Variants in KIF26B observed in about 807,000 individuals in gnomAD.
The protein encoded by KIF26B is kinesin-like protein KIF26B.
In KIF26B, 63 loss-of-function variants were observed where a neutral mutation model predicts 151.2. The ratio of observed to expected loss-of-function variants is 0.42; its 90% CI spans 0.34 to 0.51. KIF26B has a LOEUF of 0.51. Ranked by LOEUF, KIF26B falls within the 20% of genes least tolerant of loss-of-function variation. The pLI is 0.07. For synonymous variants in KIF26B, 1,357 were observed against 1,262.1 expected, an observed-to-expected ratio of 1.08 and a Z score of -1.59; for missense variants, 2,813 against 2,913.6, an observed-to-expected ratio of 0.97 and a Z score of 0.79.
At chr1:245,338,256 C>G (rs1037417219) in intron 2 of KIF26B, among the ~76,000 whole-genome samples, 2 of 152,114 alleles carry the variant, frequency 1.3e-5, no homozygotes, top group Non-Finnish European at 2.9e-5. Context: ...TTATGTACAC[C>G]AGGAGGCAGA....
intron 4 of KIF26B, among the ~76,000 whole-genome samples, chr1:245,439,449 G>A (rs1659014768): frequency 6.6e-6 from 1 of 152,004 alleles, no homozygotes. Context: ...AAAGTAAATA[G>A]AGTTGCAATA....
intron 5 of KIF26B, among the ~76,000 whole-genome samples, chr1:245,550,425 G>A (rs12033501): frequency 0.31 from 47,138 of 152,158 alleles, 8,029 homozygotes; most frequent in Middle Eastern, 0.38. Context: ...TGCCTGCTCC[G>A]TCCTGGCTGC....
In KIF26B at chr1:245,609,429, G is replaced by A; in HGVS notation, c.1815G>A (p.Glu605=). 1 of 1,608,006 alleles carries A rather than the reference G, an allele frequency of 6.2e-7. No individual in the cohort carries two copies. The highest frequency in any genetic ancestry group is 8.5e-7 in the Non-Finnish European group (1 of 1,177,358). ...CCGTGGAAGTGTGGGGGAAGGAGGA[G>A]AACCTGCGGGACCTGCTGTCGGAGG... ...VSAVEVWGKE[E]NLRDLLSEVA... Residue 605 remains glutamate (E), a synonymous_variant, in exon 8 of 15, where the codon GAG becomes GAA. Transcript: ENST00000407071.
At position 245,170,122 on chromosome 1, in the gene KIF26B, G is replaced by A. The variant is rs186293412; in HGVS notation, c.465+13439G>A. Among the ~76,000 whole-genome samples, 54 of 152,256 alleles carry A rather than the reference G, an allele frequency of 3.5e-4. No homozygotes were observed. The highest frequency in any genetic ancestry group is 1.5e-4 in the Non-Finnish European group (10 of 68,016). ...GGAAGAGGATGATAGAGGATGGGAC[G>A]GTGGTGACAAATGGCGGGATGGGAG... On this transcript the variant is annotated intron_variant, in intron 2 of 14. Transcript: ENST00000407071. The surrounding 1 kb of genome is among the most constrained non-coding windows in gnomAD (Gnocchi z 4.4).
chr1:245,527,014 G>A (rs1023672246), intron 4 of KIF26B, among the ~76,000 whole-genome samples: 3 of 152,210 alleles, frequency 2.0e-5, no homozygotes, highest in African/African-American at 7.2e-5. Flanking sequence ...AAACTCTAAA[G>A]GAATGAGTGG....
intron 2 of KIF26B, among the ~76,000 whole-genome samples, chr1:245,208,609 G>A (rs1669453239): frequency 6.6e-6 from 1 of 152,190 alleles, no homozygotes. Flanking sequence ...GCAAGCGGAT[G>A]TCGATAGTGA....
chr1:245,312,875 A>C (rs1671689436), intron 2 of KIF26B, among the ~76,000 whole-genome samples: 1 of 152,170 alleles, frequency 6.6e-6, no homozygotes, highest in Admixed American at 6.6e-5. Context: ...AGATGGATGG[A>C]TACTGGCCGG....
chr1:245,182,612 A>G (rs1051434654), intron 2 of KIF26B, among the ~76,000 whole-genome samples: 1 of 152,126 alleles, frequency 6.6e-6, no homozygotes, highest in Non-Finnish European at 1.5e-5. Flanking sequence ...GGTAGTTGAT[A>G]TGGCAATTCT....
At chr1:245,361,698 G>A (rs1222816656) in intron 2 of KIF26B, among the ~76,000 whole-genome samples, 1 of 152,198 alleles carries the variant, frequency 6.6e-6, no homozygotes, top group Non-Finnish European at 1.5e-5. Flanking sequence ...CCTCGTTGCT[G>A]TCACTACTGC....
At chr1:245,613,105 C>T (rs770102981) in intron 9 of KIF26B, among the ~76,000 whole-genome samples, 9 of 152,176 alleles carry the variant, frequency 5.9e-5, no homozygotes, top group Non-Finnish European at 1.3e-4. Flanking sequence ...TCCGTGGTTC[C>T]TCCATGTCCC....
At chr1:245,305,472 C>T (rs1025897740) in intron 2 of KIF26B, among the ~76,000 whole-genome samples, 4 of 151,960 alleles carry the variant, frequency 2.6e-5, no homozygotes, top group Non-Finnish European at 5.9e-5. Flanking sequence ...ATACAGATGG[C>T]CAATAAACAC....
At position 245,602,183 on chromosome 1, in the gene KIF26B, T is replaced by C. The variant is rs1181069216; in HGVS notation, c.1351-394T>C. Among the ~76,000 whole-genome samples, 3 of 152,208 alleles carry C rather than the reference T, an allele frequency of 2.0e-5. No individual in the cohort carries two copies. Among genetic ancestry groups the C allele is most frequent in the African/African-American group, 7.2e-5 (3 of 41,462 alleles). On this transcript the variant is annotated intron_variant, in intron 5 of 14. Transcript: ENST00000407071. This position sits in a 1 kb window ranked among gnomAD's most constrained non-coding sequence, Gnocchi z 4.5. Reference sequence around the variant, plus strand: ...AAGGAGTAAATTACGGAGCTAACTTTTATGTGCATGGTTTATTGATCTGTG... The same window carrying C: ...AAGGAGTAAATTACGGAGCTAACTTCTATGTGCATGGTTTATTGATCTGTG...
chr1:245,602,678 C>T lies in KIF26B; in HGVS notation c.1452C>T (p.Tyr484=), dbSNP rs756994590. 9.9e-6 allele frequency: 16 copies of T among 1,613,870 alleles called. No individual in the cohort carries two copies. The highest frequency in any genetic ancestry group is 5.5e-5 in the South Asian group (5 of 91,090). The change falls in exon 6 of 15, where the codon TAC becomes TAT. Residue 484 remains tyrosine (Y), a synonymous_variant. Transcript: ENST00000407071. The surrounding 1 kb of genome is among the most constrained non-coding windows in gnomAD (Gnocchi z 4.5). The part of the protein sequence containing the change: ...VDPRKKQITL[Y]DPLTCGGQNA... ...CACGGAAGAAGCAGATCACCTTGTA[C>T]GATCCCCTGACTTGTGGAGGTCAAA... is the stretch of plus-strand genomic sequence containing the variant.
intron 9 of KIF26B, among the ~76,000 whole-genome samples, chr1:245,643,559 C>T (rs2043915071): frequency 1.3e-5 from 2 of 152,150 alleles, no homozygotes; most frequent in East Asian, 3.8e-4. Flanking sequence ...TCATCATTCA[C>T]ACGTTACATT....
At chr1:245,365,805 C>T (rs1484116412) in intron 2 of KIF26B, among the ~76,000 whole-genome samples, 1 of 152,120 alleles carries the variant, frequency 6.6e-6, no homozygotes, top group Non-Finnish European at 1.5e-5. Context: ...GCGCTGTGGA[C>T]AGACGAGAGG....
chr1:245,435,130 C>CCCATCCATCCAT (rs34535359), intron 4 of KIF26B, among the ~76,000 whole-genome samples: 24 of 145,226 alleles, frequency 1.7e-4, no homozygotes, highest in Admixed American at 9.6e-4. Flanking sequence ...TCTCCATCTA[C>CCCATCCATCCAT]CCATCCATCC....
rs71715356 is a variant in KIF26B at position 245,205,848 on chromosome 1, ACACCCC to A, written c.465+49176_465+49181del. 0.015 allele frequency among the ~76,000 whole-genome samples: 965 copies of A among 66,112 alleles called. 30 individuals carry two copies. The East Asian group carries it at 0.22, about 15-fold the overall frequency. 43.4% of individuals were successfully genotyped at this position (66,112 alleles called of 152,430 possible). A position where few individuals can be genotyped will look rare whatever the true frequency, so the allele number is the denominator to read the frequency against. Reference sequence around the variant, plus strand: ...TCAGCACTCTCCCCCACCCCCACCCACACCCCCACCCCCACCAAGTAGCTGGGACTA... The same window carrying A: ...TCAGCACTCTCCCCCACCCCCACCCACACCCCCACCAAGTAGCTGGGACTA... On this transcript the variant is annotated intron_variant, in intron 2 of 14. Transcript: ENST00000407071.
chr1:245,704,389 T>C lies in KIF26B; in HGVS notation c.*1783T>C, dbSNP rs2044814170. The C allele has an allele frequency of 6.6e-6, 1 of 152,246 alleles. No homozygotes were observed. Among genetic ancestry groups the C allele is most frequent in the Admixed American group, 6.5e-5 (1 of 15,284 alleles). 9.4% of individuals were successfully genotyped at this position (152,246 alleles called of 1,614,324 possible). Reference sequence around the variant, plus strand: ...TGAACTCGGTAAATGGGAACCGAAGTCTTGTGAGCTTCACATGACCTGATC... The same window carrying C: ...TGAACTCGGTAAATGGGAACCGAAGCCTTGTGAGCTTCACATGACCTGATC... On this transcript the variant is annotated 3_prime_UTR_variant, in exon 15 of 15. Transcript: ENST00000407071.
chr1:245,159,176 G>T (rs1668495076), intron 2 of KIF26B, among the ~76,000 whole-genome samples: 1 of 152,158 alleles, frequency 6.6e-6, no homozygotes, highest in Non-Finnish European at 1.5e-5. Flanking sequence ...ACATGTTTTT[G>T]AGGAGTAATT....
Sources: allele counts gnomAD v4.1 joint callset (sites outside exome capture counted in the v4.1 genomes callset), GRCh38; gene constraint gnomAD v4.1.1; non-coding constraint Gnocchi (gnomAD v3.1); transcripts MANE v1.5; gene names NCBI Gene and HGNC (gene_info 2026-07-23, HGNC 2026-07-21).